INPP4B: variants seen among roughly 807,000 people sequenced by gnomAD.
INPP4B encodes inositol polyphosphate-4-phosphatase type II B.
A neutral mutation model predicts 122.5 loss-of-function variants in INPP4B; 55 were observed. That is an observed-to-expected ratio of 0.45 (90% CI 0.36 to 0.56). INPP4B has a LOEUF of 0.56. Ranked by LOEUF, INPP4B falls within the 20% of genes least tolerant of loss-of-function variation. The probability of loss-of-function intolerance (pLI) is 0.00; values close to 1 mark genes in which losing one functional copy is unlikely to be tolerated. For missense variants in INPP4B, 1,000 were observed against 1,097.7 expected (o/e 0.91, Z 1.26); for synonymous variants, 403 against 388.7 (o/e 1.04, Z -0.43).
At chr4:142,312,535 A>C (rs1490131172) in intron 8 of INPP4B, among the ~76,000 whole-genome samples, 7 of 152,140 alleles carry the variant, frequency 4.6e-5, no homozygotes, top group African/African-American at 1.7e-4. Context: ...AGCTGCTGGC[A>C]CTCATAGAAA....
intron 7 of INPP4B, among the ~76,000 whole-genome samples, chr4:142,374,503 G>C (rs550849413): frequency 6.6e-6 from 1 of 151,844 alleles, no homozygotes; most frequent in Non-Finnish European, 1.5e-5. Context: ...GATGGTATGG[G>C]AAACAGCATA....
chr4:142,162,511 A>G (rs984831681), intron 16 of INPP4B, among the ~76,000 whole-genome samples: 3 of 151,926 alleles, frequency 2.0e-5, no homozygotes, highest in Admixed American at 2.0e-4. Flanking sequence ...GATGGTTTCA[A>G]TAAATTCTTT....
Position 142,405,419 on chromosome 4 carries a change from C to A in INPP4B, c.137-95G>T, listed in dbSNP as rs1457720742. 9.4e-6 allele frequency: 7 copies of A among 741,536 alleles called. No homozygotes were observed. In the Admixed American group the frequency reaches 1.2e-4, roughly 13 times the overall value. 45.9% of individuals were successfully genotyped at this position (741,536 alleles called of 1,614,324 possible). A position where few individuals can be genotyped will look rare whatever the true frequency, so the allele number is the denominator to read the frequency against. On this transcript the variant is annotated intron_variant, in intron 5 of 25. Coordinates refer to ENST00000262992, the MANE Select transcript of INPP4B (RefSeq NM_001101669.3). ...GCTGAAAGTGAACTTAGCTACAGCA[C>A]TGAAGGAAATCTCCTGGGGCTCAGG... is the stretch of plus-strand genomic sequence containing the variant.
intron 5 of INPP4B, among the ~76,000 whole-genome samples, chr4:142,424,251 T>C (rs1382526199): frequency 6.6e-6 from 1 of 152,044 alleles, no homozygotes; most frequent in Non-Finnish European, 1.5e-5. Flanking sequence ...TTAACTGTTT[T>C]TTTAATGATT....
At chr4:142,782,374 G>T (rs376891669) in intron 1 of INPP4B, among the ~76,000 whole-genome samples, 2 of 150,792 alleles carry the variant, frequency 1.3e-5, no homozygotes, top group East Asian at 3.9e-4. Flanking sequence ...TCTTAATCCA[G>T]TCTATCATTG....
At chr4:142,616,912 A>G (rs528492717) in intron 2 of INPP4B, among the ~76,000 whole-genome samples, 10 of 152,202 alleles carry the variant, frequency 6.6e-5, no homozygotes, top group Non-Finnish European at 1.2e-4. Flanking sequence ...GCCAGAGTGG[A>G]ATAATAGACA....
chr4:142,431,116 G>A (rs2149372563), intron 4 of INPP4B, 53 bp downstream of exon 4: 1 of 1,354,362 alleles, frequency 7.4e-7, no homozygotes, highest in South Asian at 1.2e-5. Context: ...AGTTTCATCG[G>A]CCCAATTTGC....
intron 25 of INPP4B, among the ~76,000 whole-genome samples, chr4:142,075,306 A>G (rs992910277): frequency 1.3e-5 from 2 of 151,892 alleles, no homozygotes; most frequent in African/African-American, 4.8e-5. Flanking sequence ...AGGATATCCT[A>G]ACTTGCCAGT....
intron 2 of INPP4B, among the ~76,000 whole-genome samples, chr4:142,588,676 T>A (rs1256236411): frequency 6.6e-6 from 1 of 151,436 alleles, no homozygotes; most frequent in Admixed American, 6.6e-5. Flanking sequence ...AAAAATCTGA[T>A]GAAATAAATC....
At chr4:142,358,620 T>C (rs1186274643) in intron 7 of INPP4B, among the ~76,000 whole-genome samples, 1 of 136,506 alleles carries the variant, frequency 7.3e-6, no homozygotes, top group African/African-American at 2.8e-5. Flanking sequence ...TTAGAATATC[T>C]GACAGTAGGA....
At chr4:142,065,591 G>A (rs1392570765) in intron 25 of INPP4B, among the ~76,000 whole-genome samples, 1 of 152,134 alleles carries the variant, frequency 6.6e-6, no homozygotes, top group Non-Finnish European at 1.5e-5. Context: ...ATGAAAGAGA[G>A]CATTCACAAA....
intron 3 of INPP4B, among the ~76,000 whole-genome samples, chr4:142,432,894 T>C (rs535961824): frequency 1.8e-4 from 27 of 152,228 alleles, no homozygotes; most frequent in Admixed American, 1.8e-3. Context: ...GAAATAAATA[T>C]CTAATTCTGT....
intron 25 of INPP4B, among the ~76,000 whole-genome samples, chr4:142,078,985 G>T (rs1180130159): frequency 6.6e-6 from 1 of 151,956 alleles, no homozygotes; most frequent in African/African-American, 2.4e-5. Flanking sequence ...TCCCCAGAAT[G>T]TCTGTAAAGT....
At chr4:142,644,138 A>G (rs906350993) in intron 2 of INPP4B, among the ~76,000 whole-genome samples, 2 of 151,874 alleles carry the variant, frequency 1.3e-5, no homozygotes, top group Non-Finnish European at 2.9e-5. Context: ...GTTGGAGGCT[A>G]TAGTGAGCTG....
intron 12 of INPP4B, among the ~76,000 whole-genome samples, chr4:142,213,382 T>A (rs1845689766): frequency 6.6e-6 from 1 of 152,174 alleles, no homozygotes; most frequent in South Asian, 2.1e-4. Flanking sequence ...ATATTAGCTT[T>A]GGAAAGGGAG....
chr4:142,805,890 A>T (rs1778614276), intron 1 of INPP4B, among the ~76,000 whole-genome samples: 1 of 152,178 alleles, frequency 6.6e-6, no homozygotes, highest in East Asian at 1.9e-4. Flanking sequence ...GCACCCATAA[A>T]TCCCACATTG....
At chr4:142,263,777 G>T (rs1332961983) in intron 10 of INPP4B, among the ~76,000 whole-genome samples, 1 of 149,816 alleles carries the variant, frequency 6.7e-6, no homozygotes, top group Non-Finnish European at 1.5e-5. Context: ...AGGGTTGCAG[G>T]AAAGGCTTCA....
At chr4:142,756,232 C>A (rs751135731) in intron 1 of INPP4B, among the ~76,000 whole-genome samples, 5 of 151,796 alleles carry the variant, frequency 3.3e-5, no homozygotes, top group African/African-American at 9.7e-5. Context: ...CATTTTGGGA[C>A]CATGAAGGAA....
At chr4:142,511,555 T>C (rs1331276509) in intron 2 of INPP4B, among the ~76,000 whole-genome samples, 1 of 152,098 alleles carries the variant, frequency 6.6e-6, no homozygotes, top group Non-Finnish European at 1.5e-5. Flanking sequence ...AAGTAGATAG[T>C]GTGTTAAGAG....
Sources: allele counts gnomAD v4.1 joint callset (sites outside exome capture counted in the v4.1 genomes callset), GRCh38; gene constraint gnomAD v4.1.1; transcripts MANE v1.5; gene names NCBI Gene and HGNC (gene_info 2026-07-23, HGNC 2026-07-21).